The following ADD3 variants were observed in gnomAD, a reference collection of about 807,000 sequenced individuals.
ADD3 encodes the protein gamma-adducin.
ADD3 carries 25 observed loss-of-function variants against 80.2 expected under a neutral mutation model. The ratio of observed to expected loss-of-function variants is 0.31; its 90% CI spans 0.23 to 0.44. The LOEUF (loss-of-function observed/expected upper bound fraction) is 0.44, where lower values mean the gene tolerates loss of function less well. Ranked by LOEUF, ADD3 falls within the 20% of genes least tolerant of loss-of-function variation. ADD3 has a pLI of 1.00. For missense variants in ADD3, 829 were observed against 847.5 expected, an observed-to-expected ratio of 0.98 and a Z score of 0.27; for synonymous variants, 284 against 289.6, an observed-to-expected ratio of 0.98 and a Z score of 0.20.
At chr10:110,063,286 C>T (rs1370178257) in intron 1 of ADD3, among the ~76,000 whole-genome samples, 1 of 152,114 alleles carries the variant, frequency 6.6e-6, no homozygotes, top group Non-Finnish European at 1.5e-5. Context: ...ATAATTTATG[C>T]TGCACTATGT....
At chr10:110,131,361 TG>T (rs1852954342) in intron 13 of ADD3, among the ~76,000 whole-genome samples, 1 of 152,226 alleles carries the variant, frequency 6.6e-6, no homozygotes, top group African/African-American at 2.4e-5. Flanking sequence ...AGGCAGTCCA[TG>T]AGCCACCTGA....
intron 1 of ADD3, among the ~76,000 whole-genome samples, chr10:110,098,934 A>G (rs1010397752): frequency 6.6e-6 from 1 of 151,982 alleles, no homozygotes; most frequent in Non-Finnish European, 1.5e-5. Flanking sequence ...GCCTGAATAC[A>G]GAAACTTTTT....
rs184858622 is a variant in ADD3 at position 110,035,794 on chromosome 10, T to C, written c.-30+27495T>C. Among the ~76,000 whole-genome samples the C allele has an allele frequency of 9.3e-4, 142 of 152,342 alleles. 3 individuals are homozygous for C. Among genetic ancestry groups the C allele is most frequent in the Admixed American group, 9.3e-3 (142 of 15,300 alleles). On this transcript the variant is annotated intron_variant, in intron 1 of 14. Transcript: ENST00000356080. ...ATTGGTTTGAGACTCAGTGTTTTTT[T>C]AGGCTAAGAATTGTCTTTGAATTTT...
At chr10:110,081,746 C>T (rs892563228) in intron 1 of ADD3, among the ~76,000 whole-genome samples, 3 of 152,164 alleles carry the variant, frequency 2.0e-5, no homozygotes, top group Non-Finnish European at 1.5e-5. Flanking sequence ...TATGAAACCA[C>T]GCTTGAAAAT....
At chr10:110,113,006 A>G (rs999540207) in intron 3 of ADD3, 91 bp downstream of exon 3, 6 of 1,373,136 alleles carry the variant, frequency 4.4e-6, no homozygotes, top group Non-Finnish European at 6.0e-6. Flanking sequence ...GCTCGGGTTC[A>G]GTCCTTAAGT....
intron 1 of ADD3, among the ~76,000 whole-genome samples, chr10:110,090,559 A>G (rs752581575): frequency 3.3e-5 from 5 of 152,190 alleles, no homozygotes; most frequent in Admixed American, 6.5e-5. Flanking sequence ...CTGCACCTAC[A>G]TTATGAACAA....
chr10:110,109,608 A>G (rs955773409), intron 2 of ADD3, among the ~76,000 whole-genome samples: 1 of 152,202 alleles, frequency 6.6e-6, no homozygotes, highest in African/African-American at 2.4e-5. Flanking sequence ...TAAAAACTGA[A>G]TCAAAGAATA....
chr10:110,023,403 G>T (rs1853916190), intron 1 of ADD3, among the ~76,000 whole-genome samples: 1 of 152,156 alleles, frequency 6.6e-6, no homozygotes. Context: ...AATGTTTGTT[G>T]CTATATTATA....
intron 2 of ADD3, among the ~76,000 whole-genome samples, chr10:110,105,258 C>G (rs1416921803): frequency 1.3e-5 from 2 of 152,012 alleles, no homozygotes; most frequent in African/African-American, 4.8e-5. Context: ...GATTTTGTTG[C>G]AGTAGAGAAA....
rs551816891 is a variant in ADD3 at position 110,054,004 on chromosome 10, A to G, written c.-30+45705A>G. ...GTGTATGCCATAATCATGCACAGCA[A>G]CCGTTGAAGAATGAGGTCATTTGAT... On this transcript the variant is annotated intron_variant, in intron 1 of 14. Coordinates refer to ENST00000356080, the MANE Select transcript of ADD3 (RefSeq NM_016824.5). 1.3e-3 allele frequency among the ~76,000 whole-genome samples: 192 copies of G among 152,348 alleles called. No homozygotes were observed. The Middle Eastern group carries it at 0.014, about 11-fold the overall frequency.
chr10:110,040,415 T>C (rs1181082284), intron 1 of ADD3, among the ~76,000 whole-genome samples: 2 of 152,146 alleles, frequency 1.3e-5, no homozygotes, highest in African/African-American at 4.8e-5. Flanking sequence ...ACAGCACAAA[T>C]TTAGTTTGGC....
chr10:110,106,497 A>G (rs1250259759), intron 2 of ADD3, among the ~76,000 whole-genome samples: 3 of 152,100 alleles, frequency 2.0e-5, no homozygotes, highest in Admixed American at 6.6e-5. Flanking sequence ...GTATTCCGGA[A>G]TATGTGAGTA....
intron 1 of ADD3, among the ~76,000 whole-genome samples, chr10:110,050,629 C>G (rs1464432859): frequency 1.3e-5 from 2 of 151,622 alleles, no homozygotes; most frequent in Non-Finnish European, 2.9e-5. Context: ...TCTCCTGCCT[C>G]AGCCTTCCAA....
chr10:110,004,910 T>C (rs771044838), upstream of ADD3, among the ~76,000 whole-genome samples: 3 of 152,194 alleles, frequency 2.0e-5, no homozygotes, highest in Non-Finnish European at 4.4e-5. Flanking sequence ...ATAGTGTAAA[T>C]AGCAGATTCA....
chr10:110,088,247 A>G (rs1013788514), intron 1 of ADD3, among the ~76,000 whole-genome samples: 2 of 152,204 alleles, frequency 1.3e-5, no homozygotes, highest in Non-Finnish European at 1.5e-5. Context: ...CAACCACTAT[A>G]GTACAGTAGT....
chr10:110,073,724 T>C (rs1298999233), intron 1 of ADD3, among the ~76,000 whole-genome samples: 1 of 152,200 alleles, frequency 6.6e-6, no homozygotes, highest in Non-Finnish European at 1.5e-5. Flanking sequence ...CTTAGTTGTT[T>C]TGTTTTTATT....
At chr10:110,132,215 C>T in intron 13 of ADD3, 90 bp from the exon 14 acceptor site, 1 of 780,788 alleles carries the variant, frequency 1.3e-6, no homozygotes, top group Non-Finnish European at 2.2e-6. Flanking sequence ...TCTTTGTATA[C>T]AGGCATTTGA....
At chr10:110,056,885 T>C (rs1437062515) in intron 1 of ADD3, among the ~76,000 whole-genome samples, 1 of 152,188 alleles carries the variant, frequency 6.6e-6, no homozygotes, top group Non-Finnish European at 1.5e-5. Flanking sequence ...TGGTCTTCTT[T>C]AGCTATCACA....
intron 1 of ADD3, among the ~76,000 whole-genome samples, chr10:110,020,247 G>A (rs946270311): frequency 6.6e-6 from 1 of 152,066 alleles, no homozygotes; most frequent in Non-Finnish European, 1.5e-5. Flanking sequence ...TGAGAATTTG[G>A]CAGTAAGCAA....
Sources: gnomAD v4.1 joint callset for allele counts (sites outside exome capture counted in the v4.1 genomes callset) on GRCh38, gnomAD v4.1.1 for gene constraint, MANE v1.5 for transcripts, NCBI Gene and HGNC (gene_info 2026-07-23, HGNC 2026-07-21) for gene names.